The following GATM variants were observed in gnomAD, a reference collection of about 807,000 sequenced individuals.
GATM encodes the protein glycine amidinotransferase, also known as glycine amidinotransferase, mitochondrial.
Under a neutral mutation model 54.2 loss-of-function variants are expected in GATM, and 23 were observed. That is an observed-to-expected ratio of 0.42 (90% CI 0.31 to 0.60). The LOEUF (loss-of-function observed/expected upper bound fraction) is 0.60. Among genes scored for constraint, GATM ranks in the 20% least tolerant of loss-of-function variants. The probability of loss-of-function intolerance (pLI) is 0.14; values close to 1 mark genes in which losing one functional copy is unlikely to be tolerated. For synonymous variants in GATM, 168 were observed against 183.1 expected (o/e 0.92, Z 0.67); for missense variants, 401 against 544.9 (o/e 0.74, Z 2.63).
At chr15:45,364,589 T>A in intron 7 of GATM, 1 of 575,344 alleles carries the variant, frequency 1.7e-6, no homozygotes, top group Non-Finnish European at 3.1e-6. Context: ...TATTCTGTCT[T>A]CTCCTTACTT....
At chr15:45,398,428 A>G (rs554597895) in intron 2 of GATM, among the ~76,000 whole-genome samples, 52 of 152,346 alleles carry the variant, frequency 3.4e-4, no homozygotes, top group African/African-American at 1.2e-3. Flanking sequence ...GAAATCCAGC[A>G]AATATTTTCA....
rs372468627 is a variant in GATM, at chr15:45,361,433, T to C, written c.*676A>G. ...AATTCACTTGAAATGAGGTAAGATG[T>C]ATATGAAAAGGTTTTTAGTAGCATA... On this transcript the variant is annotated 3_prime_UTR_variant, in exon 9 of 9. Transcript: ENST00000396659. The C allele has an allele frequency of 1.3e-5, 2 of 152,250 alleles. No individual in the cohort carries two copies. The highest frequency in any genetic ancestry group is 4.8e-5 in the African/African-American group (2 of 41,452). 9.4% of individuals were successfully genotyped at this position (152,250 alleles called of 1,614,324 possible). A position where few individuals can be genotyped will look rare whatever the true frequency, so the allele number is the denominator to read the frequency against.
intron 2 of GATM, among the ~76,000 whole-genome samples, chr15:45,373,052 T>C (rs771839642): frequency 6.6e-6 from 1 of 152,246 alleles, no homozygotes; most frequent in East Asian, 1.9e-4. Context: ...CCAAGTGAAT[T>C]TTTAAATACT....
chr15:45,384,078 C>G (rs1278882170), intron 3 of GATM, among the ~76,000 whole-genome samples: 2 of 152,188 alleles, frequency 1.3e-5, no homozygotes, highest in African/African-American at 2.4e-5. Context: ...ATCCAGGCCT[C>G]TAAGACTCAA....
At chr15:45,392,870 C>T (rs1044983725) in intron 3 of GATM, among the ~76,000 whole-genome samples, 1 of 152,142 alleles carries the variant, frequency 6.6e-6, no homozygotes, top group African/African-American at 2.4e-5. Flanking sequence ...TTTTCAAATA[C>T]AATTTGAAAA....
chr15:45,396,541 C>CA (rs1889933314), intron 3 of GATM, among the ~76,000 whole-genome samples: 1 of 152,058 alleles, frequency 6.6e-6, no homozygotes, highest in Admixed American at 6.6e-5. Flanking sequence ...GCTGGCAGCA[C>CA]ACAGTTTCCA....
Position 45,362,215 on chromosome 15 carries a change from G to A in GATM, c.1166C>T (p.Thr389Ile), listed in dbSNP as rs1450827920. 2 of 1,589,524 alleles carry A rather than the reference G, an allele frequency of 1.3e-6. No individual in the cohort carries two copies. Among genetic ancestry groups the A allele is most frequent in the Admixed American group, 3.3e-5 (2 of 59,958 alleles). The part of the protein sequence containing the change: ...IQKMFEKLGI[T>I]TIKVNIRNAN... ...ATTACGAATGTTAACTTTAATGGTA[G>A]TGATACCTGCATTGAAAGAGAGATG... The change falls in exon 9 of 9, where the codon ACT becomes ATT. Residue 389 changes from threonine to isoleucine, a missense_variant. Around this residue, in one of 3 missense-constraint regions of GATM, gnomAD observed 321 missense variants for 457.5 expected, o/e 0.70. Coordinates refer to ENST00000396659, the MANE Select transcript of GATM (RefSeq NM_001482.3).
chr15:45,378,420 G>A lies in GATM; in HGVS notation c.34C>T (p.Arg12Cys). The A allele has an allele frequency of 6.6e-7, 1 of 1,504,420 alleles. No homozygotes were observed. The highest frequency in any genetic ancestry group is 1.4e-5 in the African/African-American group (1 of 69,320). 93.2% of individuals were successfully genotyped at this position (1,504,420 alleles called of 1,614,324 possible). A position where few individuals can be genotyped will look rare whatever the true frequency, so the allele number is the denominator to read the frequency against. The change falls in exon 1 of 9, where the codon CGC becomes TGC. Residue 12 changes from arginine (R) to cysteine (C), a missense_variant. Transcript: ENST00000396659. ...ATGTAGTGCACCGCCTCGGCGCCGC[G>A]GCTCCCGCCGCGCAGACACCGCACC... is the stretch of plus-strand genomic sequence containing the variant. ...LRVRCLRGGS[R>C]GAEAVHYIGS...
chr15:45,393,300 G>A (rs547320761), intron 3 of GATM, among the ~76,000 whole-genome samples: 1 of 152,260 alleles, frequency 6.6e-6, no homozygotes, highest in East Asian at 1.9e-4. Context: ...GGTTCAGAGT[G>A]GAAACTTTGG....
intron 7 of GATM, chr15:45,364,534 C>CAAAAAAAAAAAAAAAAA (rs201283726): frequency 3.3e-6 from 1 of 304,892 alleles, no homozygotes. Context: ...GACACTGTCT[C>CAAAAAAAAAAAAAAAAA]AAAAAAAAAA....
chr15:45,399,040 C>G (rs1327390907), intron 2 of GATM, among the ~76,000 whole-genome samples: 1 of 152,028 alleles, frequency 6.6e-6, no homozygotes, highest in Non-Finnish European at 1.5e-5. Context: ...TTGAATGTAA[C>G]AAAGGACATA....
chr15:45,387,309 C>A lies in GATM; in HGVS notation c.-319+9613G>T, dbSNP rs546934242. Among the ~76,000 whole-genome samples the A allele has an allele frequency of 6.4e-4, 97 of 152,364 alleles. 2 individuals are homozygous for A. In the Middle Eastern group the frequency reaches 0.014, roughly 21 times the overall value. On this transcript the variant is annotated intron_variant, in intron 3 of 4. Coordinates refer to the GATM transcript ENST00000561148. ...TGTAGCAACCAAATTTCTGACTCTG[C>A]AGCCAATTTAGCACTGGGAAAATCC...
intron 3 of GATM, among the ~76,000 whole-genome samples, chr15:45,395,967 T>C (rs1889923926): frequency 6.6e-6 from 1 of 152,218 alleles, no homozygotes; most frequent in South Asian, 2.1e-4. Context: ...ATCCTTTAGG[T>C]ACTGTGGTAA....
At chr15:45,389,439 G>GT (rs944082469) in intron 3 of GATM, among the ~76,000 whole-genome samples, 1 of 152,074 alleles carries the variant, frequency 6.6e-6, no homozygotes, top group Admixed American at 6.6e-5. Context: ...TTTTTGCAGG[G>GT]TTTTTTGTTT....
At chr15:45,378,090 C>G (rs1235386670) in intron 1 of GATM, 2 of 362,792 alleles carry the variant, frequency 5.5e-6, no homozygotes, top group Non-Finnish European at 1.0e-5. Flanking sequence ...GGGGGCGGCG[C>G]CCCCTGCGCC....
chr15:45,371,019 C>T (rs1049150815), intron 2 of GATM, among the ~76,000 whole-genome samples: 7 of 152,188 alleles, frequency 4.6e-5, no homozygotes, highest in Non-Finnish European at 7.3e-5. Context: ...GTGATCCACC[C>T]GCGTCGGCCC....
intron 8 of GATM, among the ~76,000 whole-genome samples, chr15:45,362,890 C>T (rs1380009354): frequency 1.3e-5 from 2 of 152,174 alleles, no homozygotes; most frequent in East Asian, 1.9e-4. Flanking sequence ...TATTATTCTT[C>T]CTCAAGGAGC....
intron 2 of GATM, among the ~76,000 whole-genome samples, chr15:45,372,931 C>G (rs554779791): frequency 6.6e-6 from 1 of 152,210 alleles, no homozygotes; most frequent in African/African-American, 2.4e-5. Context: ...ATGATGAACA[C>G]TATATTAGAC....
rs578079813 is a variant in GATM, at chr15:45,388,217, G to A, written c.-319+8705C>T. 2.0e-4 allele frequency among the ~76,000 whole-genome samples: 30 copies of A among 152,274 alleles called. No individual in the cohort carries two copies. In the South Asian group the frequency reaches 6.0e-3, roughly 30 times the overall value. On this transcript the variant is annotated intron_variant, in intron 3 of 4. Coordinates refer to the GATM transcript ENST00000561148. ...CAGCCTTCTAAACTTGTGGAAGTCT[G>A]TCTGTACTTTAATATGTTAAAATAA...
Sources: gnomAD v4.1 joint callset for allele counts (sites outside exome capture counted in the v4.1 genomes callset) on GRCh38, gnomAD v4.1.1 for gene constraint, gnomAD v4.1.1 regional missense constraint, MANE v1.5 for transcripts, NCBI Gene and HGNC (gene_info 2026-07-23, HGNC 2026-07-21) for gene names.